The following CCSER2 variants were observed in gnomAD, a reference collection of about 807,000 sequenced individuals.
The protein encoded by CCSER2 is serine-rich coiled-coil domain-containing protein 2.
A neutral mutation model predicts 92.3 loss-of-function variants in CCSER2; 46 were observed. The observed-to-expected ratio is 0.50, with a 90% confidence interval of 0.39 to 0.64. The LOEUF (loss-of-function observed/expected upper bound fraction) is 0.64, where lower values mean the gene tolerates loss of function less well. CCSER2 is among the 30% of genes least tolerant of loss of function. The pLI is 0.00. For missense variants in CCSER2, 1,244 were observed against 1,238.9 expected, an observed-to-expected ratio of 1.00 and a Z score of -0.06; for synonymous variants, 433 against 431.4, an observed-to-expected ratio of 1.00 and a Z score of -0.04.
At chr10:84,483,174 C>T (rs1847556341) in intron 9 of CCSER2, among the ~76,000 whole-genome samples, 1 of 152,076 alleles carries the variant, frequency 6.6e-6, no homozygotes, top group South Asian at 2.1e-4. Context: ...GGGTGGATCA[C>T]CGGAGGCTGG....
intron 6 of CCSER2, among the ~76,000 whole-genome samples, chr10:84,457,926 C>T (rs531946987): frequency 2.7e-5 from 4 of 150,722 alleles, no homozygotes; most frequent in South Asian, 2.1e-4. Flanking sequence ...TATTTTTTTC[C>T]GTAGAGATGG....
intron 1 of CCSER2, among the ~76,000 whole-genome samples, chr10:84,345,245 T>G (rs1205842255): frequency 2.0e-5 from 3 of 152,142 alleles, no homozygotes. Flanking sequence ...CTATTGCAAA[T>G]TATCACGTGC....
At chr10:84,359,746 C>T (rs766613500) in intron 1 of CCSER2, among the ~76,000 whole-genome samples, 16 of 152,108 alleles carry the variant, frequency 1.1e-4, no homozygotes, top group South Asian at 6.2e-4. Context: ...GTGGAATGTG[C>T]TGAAATTTAT....
At chr10:84,512,000 G>A (rs1205339978) in intron 9 of CCSER2, among the ~76,000 whole-genome samples, 1 of 152,026 alleles carries the variant, frequency 6.6e-6, no homozygotes, top group African/African-American at 2.4e-5. Context: ...GATTAATTTT[G>A]AGTAGTCACT....
chr10:84,464,810 G>A (rs1057451240), intron 7 of CCSER2, among the ~76,000 whole-genome samples: 37 of 152,102 alleles, frequency 2.4e-4, no homozygotes, highest in African/African-American at 6.3e-4. Flanking sequence ...ACTTTGATAG[G>A]ATCACATGTG....
At chr10:84,498,507 T>G (rs1848565516) in intron 9 of CCSER2, among the ~76,000 whole-genome samples, 1 of 152,024 alleles carries the variant, frequency 6.6e-6, no homozygotes, top group African/African-American at 2.4e-5. Context: ...TATTGAACAA[T>G]GTGGGATCAC....
chr10:84,507,646 G>C (rs1174195733), intron 9 of CCSER2, among the ~76,000 whole-genome samples: 1 of 152,130 alleles, frequency 6.6e-6, no homozygotes, highest in Non-Finnish European at 1.5e-5. Flanking sequence ...TGACATTTTA[G>C]CTGCCATCTT....
At chr10:84,386,071 TAAAA>T (rs565326558) in intron 3 of CCSER2, among the ~76,000 whole-genome samples, 3 of 149,914 alleles carry the variant, frequency 2.0e-5, no homozygotes, top group South Asian at 4.3e-4. Context: ...ATTAAAAAGT[TAAAA>T]AATAACATAT....
chr10:84,457,273 AATATATTATATATTATATATT>A (rs71013327), intron 6 of CCSER2, among the ~76,000 whole-genome samples: 5 of 69,652 alleles, frequency 7.2e-5, no homozygotes, highest in African/African-American at 2.7e-4. Flanking sequence ...TATTATATAT[AATATATTATATATTATATATT>A]ATATATAATA....
At position 84,372,271 on chromosome 10, in the gene CCSER2, A is replaced by T. The variant is rs1846102627; in HGVS notation, c.1219A>T (p.Lys407Ter). 6.2e-7 allele frequency: 1 copy of T among 1,613,174 alleles called. No individual in the cohort carries two copies. Among genetic ancestry groups the T allele is most frequent in the Non-Finnish European group, 8.5e-7 (1 of 1,179,284 alleles). ...ISLSSLSSSD[K>*]NDLSEDFSDD... ...CTTGTCGTCTTTGTCATCTTCTGATAAGAATGATTTAAGTGAAGACTTTAG... is the reference window on the plus strand; with the variant it reads ...CTTGTCGTCTTTGTCATCTTCTGATTAGAATGATTTAAGTGAAGACTTTAG... The change falls in exon 2 of 10, where the codon AAG (lysine) becomes TAG (stop). Residue 407 changes from lysine to a stop codon, truncating the protein, a stop_gained. Coordinates refer to ENST00000372088, the MANE Select transcript of CCSER2 (RefSeq NM_001284240.2). LOFTEE classifies it high-confidence loss of function.
At chr10:84,348,806 T>G (rs1438878468) in intron 1 of CCSER2, among the ~76,000 whole-genome samples, 1 of 152,180 alleles carries the variant, frequency 6.6e-6, no homozygotes. Flanking sequence ...ACAAAAAATA[T>G]CTAAATACTC....
chr10:84,374,923 G>T (rs778869790), intron 3 of CCSER2, among the ~76,000 whole-genome samples: 19 of 152,050 alleles, frequency 1.2e-4, no homozygotes, highest in Non-Finnish European at 2.4e-4. Context: ...GGCTTAAATT[G>T]CACAAACATT....
At chr10:84,480,314 T>G (rs1298833813) in intron 9 of CCSER2, among the ~76,000 whole-genome samples, 1 of 152,186 alleles carries the variant, frequency 6.6e-6, no homozygotes, top group African/African-American at 2.4e-5. Flanking sequence ...TGAGCCACCA[T>G]GCCTGACCAC....
chr10:84,442,481 A>G (rs1160204204), intron 6 of CCSER2, among the ~76,000 whole-genome samples: 2 of 152,234 alleles, frequency 1.3e-5, no homozygotes, highest in Non-Finnish European at 2.9e-5. Context: ...TCATTTATCT[A>G]TCTATATCTA....
chr10:84,502,367 C>CTTTTT (rs562377515), intron 9 of CCSER2, among the ~76,000 whole-genome samples: 18 of 111,246 alleles, frequency 1.6e-4, no homozygotes, highest in East Asian at 2.8e-4. Flanking sequence ...TTGATGACTT[C>CTTTTT]TTTTTTTTTT....
intron 3 of CCSER2, among the ~76,000 whole-genome samples, chr10:84,379,870 A>G (rs1385704902): frequency 6.6e-6 from 1 of 152,002 alleles, no homozygotes; most frequent in East Asian, 1.9e-4. Context: ...ATATACCTGT[A>G]TTTTTCTCTG....
intron 6 of CCSER2, among the ~76,000 whole-genome samples, chr10:84,441,849 T>G (rs2133534329): frequency 7.1e-6 from 1 of 141,312 alleles, no homozygotes; most frequent in African/African-American, 2.6e-5. Flanking sequence ...CTCCACCTCC[T>G]GGGTTCACGC....
intron 7 of CCSER2, among the ~76,000 whole-genome samples, chr10:84,469,773 T>C (rs1187134072): frequency 1.3e-5 from 2 of 152,150 alleles, no homozygotes; most frequent in Non-Finnish European, 2.9e-5. Flanking sequence ...TAGATCCAAT[T>C]GAGAAGGTGT....
chr10:84,457,354 T>TATA (rs1845778297), intron 6 of CCSER2, among the ~76,000 whole-genome samples: 6 of 68,022 alleles, frequency 8.8e-5, no homozygotes, highest in South Asian at 4.2e-4. Context: ...ATATATAATA[T>TATA]ATATATTTAT....
Sources: allele counts gnomAD v4.1 joint callset (sites outside exome capture counted in the v4.1 genomes callset), GRCh38; gene constraint gnomAD v4.1.1; transcripts MANE v1.5; gene names NCBI Gene and HGNC (gene_info 2026-07-23, HGNC 2026-07-21).